UFL1: variants seen among roughly 807,000 people sequenced by gnomAD.
UFL1 encodes the protein UFM1 specific ligase 1.
A neutral mutation model predicts 99.3 loss-of-function variants in UFL1; 78 were observed. The ratio of observed to expected loss-of-function variants is 0.79; its 90% CI spans 0.65 to 0.95. UFL1 has a LOEUF of 0.95. Ranked by LOEUF, UFL1 falls within the 40% of genes least tolerant of loss-of-function variation. The pLI is 0.00. For synonymous variants in UFL1, 335 were observed against 322.2 expected (o/e 1.04, Z -0.42); for missense variants, 936 against 937.0 (o/e 1.00, Z 0.01).
At position 96,536,288 on chromosome 6, in the gene UFL1, G is replaced by T; in HGVS notation, c.700G>T (p.Val234Leu). ...LVNSGRLRGTVVGGRQDKAVF... is the reference protein window; with the variant it reads ...LVNSGRLRGTLVGGRQDKAVF... ...TAATAGCGGACGCTTACGAGGCACT[G>T]TGGTTGGTGGGAGACAGGATAAAGC... is the stretch of plus-strand genomic sequence containing the variant. The change falls in exon 8 of 19, where the codon GTG becomes TTG. Residue 234 changes from valine (V) to leucine (L), a missense_variant. By Grantham distance (32) the Val-to-Leu change is conservative. Transcript: ENST00000369278. 6.2e-7 allele frequency: 1 copy of T among 1,611,046 alleles called. No homozygotes were observed. The highest frequency in any genetic ancestry group is 8.5e-7 in the Non-Finnish European group (1 of 1,177,870).
At chr6:96,549,071 A>G (rs897859014) in intron 13 of UFL1, among the ~76,000 whole-genome samples, 7 of 151,736 alleles carry the variant, frequency 4.6e-5, no homozygotes, top group African/African-American at 1.2e-4. Context: ...GAAATTGAGA[A>G]TTTTAAGTTG....
chr6:96,536,527 TG>T (rs1769856840), intron 8 of UFL1, 137 bp downstream of exon 8: 2 of 540,094 alleles, frequency 3.7e-6, no homozygotes, highest in South Asian at 1.4e-4. Flanking sequence ...AATTTAAAAA[TG>T]GGAACCCTAG....
Position 96,542,986 on chromosome 6 carries a change from A to G in UFL1, c.1372A>G (p.Ser458Gly). The G allele has an allele frequency of 6.3e-7, 1 of 1,598,216 alleles. No individual in the cohort carries two copies. Among genetic ancestry groups the G allele is most frequent in the South Asian group, 1.1e-5 (1 of 88,784 alleles). The change falls in exon 12 of 19, where the codon AGT becomes GGT. Residue 458 changes from serine (S) to glycine (G), a missense_variant. Physicochemically the swap from Ser to Gly is moderately conservative, Grantham distance 56. Transcript: ENST00000369278. ...VKKKGRKDDDSDDESQSSHTG... is the reference protein window; with the variant it reads ...VKKKGRKDDDGDDESQSSHTG... ...GAAGAAAGGAAGAAAAGATGATGATAGTGATGATGAATCTCAATCATCCCA... is the reference window on the plus strand; with the variant it reads ...GAAGAAAGGAAGAAAAGATGATGATGGTGATGATGAATCTCAATCATCCCA...
chr6:96,540,737 T>G (rs973067853), intron 11 of UFL1, 82 bp downstream of exon 11: 45 of 1,480,566 alleles, frequency 3.0e-5, no homozygotes, highest in Non-Finnish European at 3.7e-5. Flanking sequence ...ATTATGCCCT[T>G]TGAAAGGCCC....
At chr6:96,550,978 A>G (rs572786819) in intron 15 of UFL1, among the ~76,000 whole-genome samples, 5 of 151,966 alleles carry the variant, frequency 3.3e-5, no homozygotes, top group Non-Finnish European at 7.4e-5. Flanking sequence ...GGACACTTAC[A>G]TGTAGAGAGA....
At position 96,533,799 on chromosome 6, in the gene UFL1, CAA is replaced by C. The variant is rs5878435; in HGVS notation, c.597-447_597-446del. 2.1e-3 allele frequency among the ~76,000 whole-genome samples: 243 copies of C among 113,728 alleles called. 1 individual carries two copies. The highest frequency in any genetic ancestry group is 5.4e-3 in the African/African-American group (156 of 28,836). 74.6% of individuals were successfully genotyped at this position (113,728 alleles called of 152,430 possible). On this transcript the variant is annotated intron_variant, in intron 6 of 18. Coordinates refer to ENST00000369278, the MANE Select transcript of UFL1 (RefSeq NM_015323.5). Reference sequence around the variant, plus strand: ...GCAGAAAATAGAAAATACTCAAAAGCAAAAAAAAAAAAAAAAAAGATTTTAAA... The same window carrying C: ...GCAGAAAATAGAAAATACTCAAAAGCAAAAAAAAAAAAAAAAGATTTTAAA...
At chr6:96,540,917 T>C (rs1015467975) in intron 11 of UFL1, among the ~76,000 whole-genome samples, 1 of 151,484 alleles carries the variant, frequency 6.6e-6, no homozygotes, top group African/African-American at 2.4e-5. Context: ...ATCCTCTGTC[T>C]ATGTTCCAGC....
chr6:96,540,992 A>G (rs1582442637), intron 11 of UFL1, among the ~76,000 whole-genome samples: 1 of 150,832 alleles, frequency 6.6e-6, no homozygotes, highest in East Asian at 2.0e-4. Flanking sequence ...GGTCATATTC[A>G]CCTCAAAGCT....
intron 6 of UFL1, among the ~76,000 whole-genome samples, chr6:96,529,622 G>T (rs1206885612): frequency 6.6e-6 from 1 of 152,070 alleles, no homozygotes; most frequent in Non-Finnish European, 1.5e-5. Flanking sequence ...TCTTTTGGCT[G>T]CATCTTCTAA....
At chr6:96,550,290 T>A (rs1483131572) in intron 15 of UFL1, among the ~76,000 whole-genome samples, 3 of 151,884 alleles carry the variant, frequency 2.0e-5, no homozygotes, top group Admixed American at 6.6e-5. Context: ...TATCCCAAGA[T>A]GACAACCCCT....
In UFL1 at chr6:96,536,262, T is replaced by A. The variant is rs1276486320; in HGVS notation, c.674T>A (p.Val225Asp). Reference protein sequence around the residue: ...QLLYSVLEELVNSGRLRGTVV... With the variant: ...QLLYSVLEELDNSGRLRGTVV... ...TTTTAAGCTGTGCTTGAGGAACTTGTTAATAGCGGACGCTTACGAGGCACT... is the reference window on the plus strand; with the variant it reads ...TTTTAAGCTGTGCTTGAGGAACTTGATAATAGCGGACGCTTACGAGGCACT... Residue 225 changes from valine (V) to aspartate (D), a missense_variant, in exon 8 of 19, where the codon GTT becomes GAT. Transcript: ENST00000369278. 1 of 1,609,404 alleles carries A rather than the reference T, an allele frequency of 6.2e-7. No individual in the cohort carries two copies. Among genetic ancestry groups the A allele is most frequent in the Non-Finnish European group, 8.5e-7 (1 of 1,176,770 alleles).
Position 96,552,061 on chromosome 6 carries a change from C to G in UFL1, c.1985+138C>G, listed in dbSNP as rs1301259783. 9.8e-5 allele frequency: 56 copies of G among 569,306 alleles called. 1 individual carries two copies. In the Admixed American group the frequency reaches 1.8e-3, roughly 19 times the overall value. 35.3% of individuals were successfully genotyped at this position (569,306 alleles called of 1,614,324 possible). A position where few individuals can be genotyped will look rare whatever the true frequency, so the allele number is the denominator to read the frequency against. The stretch of plus-strand genomic sequence containing the variant: ...CTAATATATCTAAATGGCTGTAGAC[C>G]TTCAAGAATATTCAAAGTCTTAAAA... On this transcript the variant is annotated intron_variant, in intron 17 of 18. Transcript: ENST00000369278.
chr6:96,531,707 G>T (rs1769785006), intron 6 of UFL1, among the ~76,000 whole-genome samples: 1 of 152,122 alleles, frequency 6.6e-6, no homozygotes, highest in Non-Finnish European at 1.5e-5. Context: ...AAATATCTTT[G>T]TTCCTATTTA....
At chr6:96,545,313 T>A (rs1000677380) in intron 12 of UFL1, among the ~76,000 whole-genome samples, 4 of 151,106 alleles carry the variant, frequency 2.6e-5, no homozygotes, top group Non-Finnish European at 4.5e-5. Context: ...TATTGTTAGC[T>A]TTTTTTGTCT....
At chr6:96,537,193 A>G (rs1368679080) in intron 8 of UFL1, among the ~76,000 whole-genome samples, 181 bp from the exon 9 acceptor site, 1 of 151,762 alleles carries the variant, frequency 6.6e-6, no homozygotes, top group Admixed American at 6.6e-5. Context: ...AATTATAATC[A>G]TGGATTAGAA....
chr6:96,543,720 A>G (rs1762968886), intron 12 of UFL1, among the ~76,000 whole-genome samples: 1 of 151,098 alleles, frequency 6.6e-6, no homozygotes, highest in African/African-American at 2.4e-5. Context: ...GGGATAAAAC[A>G]TTGGAAGCTG....
At chr6:96,536,441 A>T (rs1350067967) in intron 8 of UFL1, 51 bp downstream of exon 8, 1 of 1,462,116 alleles carries the variant, frequency 6.8e-7, no homozygotes, top group Non-Finnish European at 9.4e-7. Context: ...CACTAAACTC[A>T]TTCTTTAAAA....
In UFL1 at chr6:96,523,147, T is replaced by C; in HGVS notation, c.79T>C (p.Leu27=). The change falls in exon 2 of 19, where the codon TTG becomes CTG. Residue 27 remains leucine (L), a splice_region_variant and synonymous_variant. Transcript: ENST00000369278. The part of the protein sequence containing the change: ...RAQFAEATQR[L]SERNCIEIVN... ...AACAACTTTTTTTCTTTCCCTCAGG[T>C]TGTCCGAGCGGAACTGCATTGAGAT... 1 of 1,600,272 alleles carries C rather than the reference T, an allele frequency of 6.2e-7. No homozygotes were observed. The highest frequency in any genetic ancestry group is 8.5e-7 in the Non-Finnish European group (1 of 1,174,604).
intron 9 of UFL1, among the ~76,000 whole-genome samples, chr6:96,538,041 G>C (rs945086253): frequency 6.6e-6 from 1 of 151,666 alleles, no homozygotes; most frequent in Non-Finnish European, 1.5e-5. Flanking sequence ...TTTTCTAGTC[G>C]GGCCCAGACC....
Sources: allele counts gnomAD v4.1 joint callset (sites outside exome capture counted in the v4.1 genomes callset), GRCh38; gene constraint gnomAD v4.1.1; transcripts MANE v1.5; gene names NCBI Gene and HGNC (gene_info 2026-07-23, HGNC 2026-07-21).